COX7A2: variants seen among roughly 807,000 people sequenced by gnomAD.
COX7A2 encodes cytochrome c oxidase subunit 7A2, mitochondrial.
A neutral mutation model predicts 11.6 loss-of-function variants in COX7A2; 11 were observed. That is an observed-to-expected ratio of 0.95 (90% CI 0.60 to 1.57). The LOEUF is 1.57. Ranked by LOEUF, COX7A2 falls within the 40% of genes most tolerant of loss-of-function variation. The pLI is 0.00. For synonymous variants in COX7A2, 30 were observed against 38.2 expected (o/e 0.78, Z 0.79); for missense variants, 106 against 100.9 (o/e 1.05, Z -0.22).
chr6:75,239,507 C>T (rs991177885), intron 3 of COX7A2, among the ~76,000 whole-genome samples: 7 of 152,276 alleles, frequency 4.6e-5, no homozygotes, highest in Admixed American at 3.3e-4. Context: ...ATGTGGCATT[C>T]CTATGAATAT....
At chr6:75,240,614 T>A (rs1771470373) in intron 2 of COX7A2, 2 of 424,630 alleles carry the variant, frequency 4.7e-6, no homozygotes, top group South Asian at 4.2e-5. Context: ...ACCGTTAATT[T>A]GAGATCCATT....
chr6:75,240,962 T>A, intron 2 of COX7A2: 1 of 423,528 alleles, frequency 2.4e-6, no homozygotes, highest in East Asian at 3.8e-5. Context: ...AAATCACTCA[T>A]AATCAAACTA....
chr6:75,246,857 C>A (rs1354778948), upstream of COX7A2, among the ~76,000 whole-genome samples: 2 of 152,202 alleles, frequency 1.3e-5, no homozygotes, highest in African/African-American at 4.8e-5. Context: ...AACTTTATTG[C>A]ATCTTCCCAG....
intron 3 of COX7A2, among the ~76,000 whole-genome samples, chr6:75,240,058 G>A (rs1010996655): frequency 1.4e-4 from 21 of 151,918 alleles, no homozygotes; most frequent in Non-Finnish European, 2.9e-4. Context: ...CCGAGATCGC[G>A]CCATTGCAAT....
At chr6:75,242,649 G>A (rs930546073) in intron 1 of COX7A2, among the ~76,000 whole-genome samples, 12 of 151,796 alleles carry the variant, frequency 7.9e-5, no homozygotes, top group Admixed American at 1.3e-4. Flanking sequence ...GTGAAACCCC[G>A]TCTCTATTAA....
intron 1 of COX7A2, among the ~76,000 whole-genome samples, chr6:75,242,309 C>T (rs555962976): frequency 1.3e-5 from 2 of 152,062 alleles, no homozygotes; most frequent in Non-Finnish European, 2.9e-5. Context: ...GTTCAAGACC[C>T]GGCCTAGCCA....
chr6:75,247,098 T>C (rs755108633), upstream of COX7A2, among the ~76,000 whole-genome samples: 1 of 152,174 alleles, frequency 6.6e-6, no homozygotes, highest in Admixed American at 6.5e-5. Flanking sequence ...AAACCTGAGG[T>C]AGGTAATGGT....
rs1213413267 is a variant in COX7A2 at position 75,240,396 on chromosome 6, A to AC, written c.109-12_109-11insG. ...AATTTCATCATCCTCCTAGATTTAA[A>AC]AAAAAAAAAAAAAGACAATAATAAA... On this transcript the variant is annotated splice_polypyrimidine_tract_variant and intron_variant, in intron 2 of 3. Transcript: ENST00000684430. The AC allele has an allele frequency of 6.8e-7, 1 of 1,466,542 alleles. No individual in the cohort carries two copies. The highest frequency in any genetic ancestry group is 2.3e-5 in the Admixed American group (1 of 43,014). The allele number at this position is 1,466,542 out of a possible 1,614,324, so 90.8% of individuals were successfully genotyped here. A position where few individuals can be genotyped will look rare whatever the true frequency, so the allele number is the denominator to read the frequency against.
chr6:75,247,627 T>G (rs1424251470), upstream of COX7A2, among the ~76,000 whole-genome samples: 1 of 152,018 alleles, frequency 6.6e-6, no homozygotes, highest in Non-Finnish European at 1.5e-5. Flanking sequence ...GATCTTTTTC[T>G]CTGACTCTAA....
chr6:75,237,885 A>G lies in COX7A2; in HGVS notation c.*45T>C. ...TATTTATCAGATTACTGGTCCATAG[A>G]GAGCTGAATGAAACTGAACCAAGCG... On this transcript the variant is annotated 3_prime_UTR_variant, in exon 4 of 4. Coordinates refer to ENST00000684430, the MANE Select transcript of COX7A2 (RefSeq NM_001366293.2). The G allele has an allele frequency of 1.4e-6, 2 of 1,476,062 alleles. No individual in the cohort carries two copies. The highest frequency in any genetic ancestry group is 1.9e-6 in the Non-Finnish European group (2 of 1,058,652). 91.4% of individuals were successfully genotyped at this position (1,476,062 alleles called of 1,614,324 possible).
At chr6:75,244,456 T>C (rs1771636601), upstream of COX7A2, among the ~76,000 whole-genome samples, 2 of 152,180 alleles carry the variant, frequency 1.3e-5, no homozygotes, top group Non-Finnish European at 1.5e-5. Flanking sequence ...GAATCTGGAC[T>C]CAAAAGTCTT....
rs113277041 is a variant in COX7A2 at position 75,238,241 on chromosome 6, T to C, written c.194-253A>G. Among the ~76,000 whole-genome samples, 421 of 152,068 alleles carry C rather than the reference T, an allele frequency of 2.8e-3. 1 individual carries two copies. The highest frequency in any genetic ancestry group is 9.7e-3 in the African/African-American group (404 of 41,504). On this transcript the variant is annotated intron_variant, in intron 3 of 3. Coordinates refer to ENST00000684430, the MANE Select transcript of COX7A2 (RefSeq NM_001366293.2). The stretch of plus-strand genomic sequence containing the variant: ...AATGCAAAAATTTTTAAAAATAAGA[T>C]TAAGAACGTATACAAAGGTTATTTC...
upstream of COX7A2, among the ~76,000 whole-genome samples, chr6:75,246,904 C>T (rs1771691215): frequency 6.6e-6 from 1 of 152,204 alleles, no homozygotes; most frequent in African/African-American, 2.4e-5. Context: ...AAAATTCATC[C>T]TCTGAACCAG....
At chr6:75,247,764 A>G (rs1771711590), upstream of COX7A2, among the ~76,000 whole-genome samples, 1 of 151,954 alleles carries the variant, frequency 6.6e-6, no homozygotes, top group Admixed American at 6.6e-5. Flanking sequence ...ACAAATTCTC[A>G]TCAGATGGGT....
rs755065706 is a variant in COX7A2, at chr6:75,237,927, A to C, written c.*3T>G. 2 of 1,606,586 alleles carry C rather than the reference A, an allele frequency of 1.2e-6. No individual in the cohort carries two copies. The highest frequency in any genetic ancestry group is 1.7e-6 in the Non-Finnish European group (2 of 1,174,710). ...AACCAAGCGATTGCTGGGATGACTG[A>C]AGTCACTCCTGCTTCTTGGGAAATG... On this transcript the variant is annotated 3_prime_UTR_variant, in exon 4 of 4. Coordinates refer to ENST00000684430, the MANE Select transcript of COX7A2 (RefSeq NM_001366293.2).
chr6:75,243,994 C>A, upstream of COX7A2: 1 of 591,754 alleles, frequency 1.7e-6, no homozygotes, highest in Non-Finnish European at 3.0e-6. Flanking sequence ...TAGGCTGGTC[C>A]CTGGAGCTAA....
chr6:75,243,304 T>C (rs2149512374), intron 1 of COX7A2, among the ~76,000 whole-genome samples: 1 of 152,202 alleles, frequency 6.6e-6, no homozygotes. Context: ...CTCGCAAAGC[T>C]CAAAACCATT....
chr6:75,248,926 T>A (rs2149515180), intron 1 of COX7A2, among the ~76,000 whole-genome samples: 1 of 152,254 alleles, frequency 6.6e-6, no homozygotes, highest in Middle Eastern at 3.4e-3. Context: ...GTATGGGAAA[T>A]TCAAAGAAAC....
At position 75,243,745 on chromosome 6, in the gene COX7A2, A is replaced by C. The variant is rs1382262313; in HGVS notation, c.-11T>G. ...CAGATTCCGCAGCATCTTGGCTGTT[A>C]CTGACCAGCAACCGCCACAACTGAA... is the stretch of plus-strand genomic sequence containing the variant. On this transcript the variant is annotated 5_prime_UTR_variant, in exon 1 of 4. Transcript: ENST00000684430. 1 of 1,613,914 alleles carries C rather than the reference A, an allele frequency of 6.2e-7. No individual in the cohort carries two copies. The highest frequency in any genetic ancestry group is 1.1e-5 in the South Asian group (1 of 91,072).
Sources: allele counts gnomAD v4.1 joint callset (sites outside exome capture counted in the v4.1 genomes callset), GRCh38; gene constraint gnomAD v4.1.1; transcripts MANE v1.5; gene names NCBI Gene and HGNC (gene_info 2026-07-23, HGNC 2026-07-21).